The following ADAMTS12 variants were observed in gnomAD, a reference collection of about 807,000 sequenced individuals.
ADAMTS12 encodes A disintegrin and metalloproteinase with thrombospondin motifs 12.
ADAMTS12 carries 118 observed loss-of-function variants against 167.8 expected under a neutral mutation model. The ratio of observed to expected loss-of-function variants is 0.70; its 90% CI spans 0.61 to 0.82. The LOEUF (loss-of-function observed/expected upper bound fraction) is 0.82, where lower values mean the gene tolerates loss of function less well. Ranked by LOEUF, ADAMTS12 falls within the 40% of genes least tolerant of loss-of-function variation. The pLI, the probability that ADAMTS12 is intolerant of heterozygous loss-of-function variation, is 0.00. For missense variants in ADAMTS12, 1,916 were observed against 1,998.8 expected, an observed-to-expected ratio of 0.96 and a Z score of 0.79; for synonymous variants, 704 against 716.9, an observed-to-expected ratio of 0.98 and a Z score of 0.29.
chr5:33,733,998 T>TACACACACACAC (rs147754057), intron 3 of ADAMTS12, among the ~76,000 whole-genome samples: 2 of 139,380 alleles, frequency 1.4e-5, no homozygotes, highest in Admixed American at 7.2e-5. Flanking sequence ...ACTTCCCCAC[T>TACACACACACAC]ACACACACAC....
chr5:33,737,129 A>G (rs1425706647), intron 3 of ADAMTS12, among the ~76,000 whole-genome samples: 5 of 152,250 alleles, frequency 3.3e-5, no homozygotes, highest in African/African-American at 1.2e-4. Flanking sequence ...TGCTCTGGTC[A>G]GAATCTAATG....
At chr5:33,659,390 A>G (rs772618821) in intron 6 of ADAMTS12, among the ~76,000 whole-genome samples, 1 of 152,206 alleles carries the variant, frequency 6.6e-6, no homozygotes, top group Non-Finnish European at 1.5e-5. Flanking sequence ...GGTCTGTAAG[A>G]GAACCAATCA....
At chr5:33,853,603 C>A (rs1251653981) in intron 2 of ADAMTS12, among the ~76,000 whole-genome samples, 1 of 152,196 alleles carries the variant, frequency 6.6e-6, no homozygotes, top group East Asian at 1.9e-4. Context: ...ATCACATTGT[C>A]TAAGATTCCT....
chr5:33,871,153 AG>A (rs1397668438), intron 2 of ADAMTS12, among the ~76,000 whole-genome samples: 1 of 152,224 alleles, frequency 6.6e-6, no homozygotes, highest in African/African-American at 2.4e-5. Context: ...AAAATGAAAT[AG>A]AAAATTTGAA....
chr5:33,614,805 G>A (rs570976165), intron 15 of ADAMTS12, among the ~76,000 whole-genome samples: 1 of 152,288 alleles, frequency 6.6e-6, no homozygotes, highest in Admixed American at 6.5e-5. Context: ...ATACAAAGTG[G>A]GGATAATAAA....
Position 33,756,302 on chromosome 5 carries a change from C to T in ADAMTS12, c.490-4754G>A, listed in dbSNP as rs568902949. The stretch of plus-strand genomic sequence containing the variant: ...CCACAGAACACAGCCCTCACTGGAG[C>T]GGCACTTCCATGGGTGCTATGGATT... On this transcript the variant is annotated intron_variant, in intron 2 of 23. Transcript: ENST00000504830. 3.9e-4 allele frequency among the ~76,000 whole-genome samples: 60 copies of T among 152,320 alleles called. No homozygotes were observed. In the South Asian group the frequency reaches 0.011, roughly 28 times the overall value.
Position 33,624,336 on chromosome 5 carries a change from A to G in ADAMTS12, c.2038T>C (p.Tyr680His), listed in dbSNP as rs747258082. Residue 680 changes from tyrosine to histidine, a missense_variant, in exon 14 of 24, where the codon TAT becomes CAT. Physicochemically the swap from Tyr to His is moderately conservative, Grantham distance 83. Transcript: ENST00000504830. ...NGICKMVGCD[Y>H]EIDSNATEDR... ...TCGGTGGCATTGGAATCGATCTCATAGTCACAGCCAACCATCTGTGGGGAA... is the reference window on the plus strand; with the variant it reads ...TCGGTGGCATTGGAATCGATCTCATGGTCACAGCCAACCATCTGTGGGGAA... 1 of 1,614,048 alleles carries G rather than the reference A, an allele frequency of 6.2e-7. No individual in the cohort carries two copies. The highest frequency in any genetic ancestry group is 8.5e-7 in the Non-Finnish European group (1 of 1,179,932).
intron 2 of ADAMTS12, among the ~76,000 whole-genome samples, chr5:33,818,190 T>C (rs1332684268): frequency 6.6e-6 from 1 of 152,030 alleles, no homozygotes; most frequent in Non-Finnish European, 1.5e-5. Flanking sequence ...TTAGTACTCA[T>C]GTTACATTAG....
At position 33,760,249 on chromosome 5, in the gene ADAMTS12, C is replaced by G. The variant is rs560112428; in HGVS notation, c.490-8701G>C. Among the ~76,000 whole-genome samples, 241 of 152,082 alleles carry G rather than the reference C, an allele frequency of 1.6e-3. 2 individuals carry two copies. The highest frequency in any genetic ancestry group is 5.6e-3 in the African/African-American group (234 of 41,474). On this transcript the variant is annotated intron_variant, in intron 2 of 23. Transcript: ENST00000504830. Reference sequence around the variant, plus strand: ...TGGCCCCAATTAACACTTAGTTAACCTTCATCATCAAAAGAAGTTCTAACT... The same window carrying G: ...TGGCCCCAATTAACACTTAGTTAACGTTCATCATCAAAAGAAGTTCTAACT...
intron 16 of ADAMTS12, among the ~76,000 whole-genome samples, chr5:33,604,377 T>A (rs1233070305): frequency 6.6e-6 from 1 of 152,054 alleles, no homozygotes; most frequent in South Asian, 2.1e-4. Flanking sequence ...GGCGCATGCC[T>A]GTAATCCCAG....
At chr5:33,712,870 G>A (rs1245886133) in intron 3 of ADAMTS12, among the ~76,000 whole-genome samples, 8 of 152,028 alleles carry the variant, frequency 5.3e-5, no homozygotes, top group Non-Finnish European at 8.8e-5. Context: ...GGGCTGCAAA[G>A]TTGCCTGTAA....
chr5:33,856,210 A>C (rs1749396911), intron 2 of ADAMTS12, among the ~76,000 whole-genome samples: 1 of 152,172 alleles, frequency 6.6e-6, no homozygotes, highest in Non-Finnish European at 1.5e-5. Context: ...TCAGTGGAAA[A>C]GGATCTGTTG....
intron 9 of ADAMTS12, among the ~76,000 whole-genome samples, chr5:33,647,875 C>T (rs552389436): frequency 3.3e-4 from 51 of 152,334 alleles, no homozygotes; most frequent in Middle Eastern, 3.4e-3. Flanking sequence ...CAGTTATTTA[C>T]TTTCCCCTTT....
At chr5:33,677,752 T>C (rs1329656501) in intron 5 of ADAMTS12, among the ~76,000 whole-genome samples, 1 of 152,214 alleles carries the variant, frequency 6.6e-6, no homozygotes, top group African/African-American at 2.4e-5. Context: ...CCATGGTTTC[T>C]TAATATGTTT....
At chr5:33,857,315 A>T (rs908289889) in intron 2 of ADAMTS12, among the ~76,000 whole-genome samples, 2 of 152,124 alleles carry the variant, frequency 1.3e-5, no homozygotes, top group African/African-American at 4.8e-5. Flanking sequence ...GTTATGTAAG[A>T]TGATTAATTT....
intron 17 of ADAMTS12, 66 bp from the exon 18 acceptor site, chr5:33,588,875 G>A: frequency 6.4e-7 from 1 of 1,567,830 alleles, no homozygotes. Flanking sequence ...TTCAACCACT[G>A]AGAAAGCAGG....
At chr5:33,881,972 A>G (rs779557450) in intron 1 of ADAMTS12, among the ~76,000 whole-genome samples, 1 of 152,116 alleles carries the variant, frequency 6.6e-6, no homozygotes, top group Admixed American at 6.5e-5. Context: ...GAACAACTCA[A>G]ATTTACCTAG....
chr5:33,735,811 T>C (rs776500304), intron 3 of ADAMTS12, among the ~76,000 whole-genome samples: 1 of 152,186 alleles, frequency 6.6e-6, no homozygotes, highest in East Asian at 1.9e-4. Flanking sequence ...ACCTCTTCTA[T>C]TGCTGGCTCC....
intron 2 of ADAMTS12, among the ~76,000 whole-genome samples, chr5:33,803,642 G>C (rs540975062): frequency 6.6e-6 from 1 of 152,348 alleles, no homozygotes; most frequent in South Asian, 2.1e-4. Flanking sequence ...CCAAGACTGG[G>C]TAATTTATAG....
Sources: allele counts gnomAD v4.1 joint callset (sites outside exome capture counted in the v4.1 genomes callset), GRCh38; gene constraint gnomAD v4.1.1; transcripts MANE v1.5; gene names NCBI Gene and HGNC (gene_info 2026-07-23, HGNC 2026-07-21).